Variants in AKAP6 observed in about 807,000 individuals in gnomAD.
AKAP6 encodes the protein A-kinase anchor protein 6.
In AKAP6, 58 loss-of-function variants were observed where a neutral mutation model predicts 188.5. The observed-to-expected ratio is 0.31, with a 90% CI of 0.25 to 0.38. AKAP6 has a LOEUF of 0.38. Ranked by LOEUF, AKAP6 falls within the 10% of genes least tolerant of loss-of-function variation. The pLI is 1.00. For synonymous variants in AKAP6, 989 were observed against 998.6 expected (o/e 0.99, Z 0.18); for missense variants, 2,710 against 2,740.0 (o/e 0.99, Z 0.24).
intron 2 of AKAP6, among the ~76,000 whole-genome samples, chr14:32,444,346 G>A (rs961556659): frequency 1.3e-5 from 2 of 152,082 alleles, no homozygotes; most frequent in African/African-American, 4.8e-5. Flanking sequence ...AGTTTAATTT[G>A]CTCTCGTCAC....
intron 1 of AKAP6, chr14:32,375,903 A>T (rs545886794): frequency 2.0e-5 from 3 of 152,188 alleles, no homozygotes; most frequent in Admixed American, 2.0e-4. Flanking sequence ...CCGTGATATG[A>T]CTCTAACTTA....
At chr14:32,361,589 T>G (rs1475401085) in intron 1 of AKAP6, among the ~76,000 whole-genome samples, 4 of 152,184 alleles carry the variant, frequency 2.6e-5, no homozygotes, top group South Asian at 2.1e-4. Flanking sequence ...GTAATTAGCT[T>G]TATTCATTGC....
intron 7 of AKAP6, among the ~76,000 whole-genome samples, chr14:32,654,249 G>A (rs1888354680): frequency 6.6e-6 from 1 of 152,046 alleles, no homozygotes; most frequent in Non-Finnish European, 1.5e-5. Context: ...ACAAACTCTA[G>A]TTTCACAAGA....
intron 2 of AKAP6, among the ~76,000 whole-genome samples, chr14:32,485,239 T>A (rs1434085968): frequency 6.7e-6 from 1 of 150,320 alleles, no homozygotes. Context: ...TGGTTCCAAG[T>A]CTTTGCTATT....
intron 2 of AKAP6, among the ~76,000 whole-genome samples, chr14:32,489,604 T>A (rs78306723): frequency 6.6e-6 from 1 of 152,132 alleles, no homozygotes; most frequent in Non-Finnish European, 1.5e-5. Context: ...ATTACCTAGA[T>A]TAAAAAACAA....
intron 1 of AKAP6, among the ~76,000 whole-genome samples, chr14:32,361,071 T>TATATATATATATATATATATA (rs1213844124): frequency 2.7e-4 from 40 of 149,060 alleles, no homozygotes; most frequent in East Asian, 6.3e-4. Flanking sequence ...TATATATATA[T>TATATATATATATATATATATA]TTGAGAAGCT....
intron 8 of AKAP6, among the ~76,000 whole-genome samples, chr14:32,683,071 G>A (rs1889760306): frequency 6.7e-6 from 1 of 149,296 alleles, no homozygotes; most frequent in African/African-American, 2.5e-5. Context: ...TTGGCTCACC[G>A]CAACCTCCGC....
intron 2 of AKAP6, among the ~76,000 whole-genome samples, chr14:32,497,271 A>G (rs1880368521): frequency 1.3e-5 from 2 of 152,150 alleles, no homozygotes; most frequent in South Asian, 4.1e-4. Flanking sequence ...TTGGTGCTAT[A>G]AATTATCTCC....
intron 8 of AKAP6, among the ~76,000 whole-genome samples, chr14:32,680,565 A>G (rs1889634561): frequency 6.6e-6 from 1 of 152,194 alleles, no homozygotes; most frequent in East Asian, 1.9e-4. Context: ...TATCCAATAC[A>G]CTAAAGAGAA....
At chr14:32,433,876 G>C (rs1890298410) in intron 2 of AKAP6, 59 bp downstream of exon 2, 1 of 1,497,880 alleles carries the variant, frequency 6.7e-7, no homozygotes, top group South Asian at 1.2e-5. Flanking sequence ...GTGGCACCTA[G>C]AGACTGTGTT....
intron 12 of AKAP6, among the ~76,000 whole-genome samples, chr14:32,817,491 TTG>T (rs3033323): frequency 0.17 from 24,146 of 145,314 alleles, 2,597 homozygotes; most frequent in African/African-American, 0.32. Flanking sequence ...GTGTCTGTGT[TTG>T]TGTGTGTGTG....
intron 11 of AKAP6, among the ~76,000 whole-genome samples, chr14:32,758,754 AATG>A (rs1365193237): frequency 2.0e-5 from 3 of 152,148 alleles, no homozygotes; most frequent in Admixed American, 6.5e-5. Context: ...ACAAACAAAA[AATG>A]ATGATCACAG....
In AKAP6 at chr14:32,655,010, T is replaced by A. The variant is rs572856890; in HGVS notation, c.2731-23301T>A. Among the ~76,000 whole-genome samples, 28 of 152,296 alleles carry A rather than the reference T, an allele frequency of 1.8e-4. No individual in the cohort carries two copies. In the South Asian group the frequency reaches 4.6e-3, roughly 25 times the overall value. The stretch of plus-strand genomic sequence containing the variant: ...TACACAATTTTTGGGTGGTAAAATA[T>A]TTTCATGAGGAAATCACAACTGAGA... On this transcript the variant is annotated intron_variant, in intron 7 of 13. Transcript: ENST00000280979.
chr14:32,744,787 A>C (rs1425179807), intron 11 of AKAP6, among the ~76,000 whole-genome samples: 3 of 151,912 alleles, frequency 2.0e-5, no homozygotes, highest in African/African-American at 7.3e-5. Context: ...TTGGAGGCCT[A>C]CTTCATTGTT....
Position 32,822,532 on chromosome 14 carries a change from A to C in AKAP6, c.4719A>C (p.Pro1573=). ...SHSSSIESLS[P]GGDLFGLGIF... is the part of the protein sequence containing the mutation. The stretch of plus-strand genomic sequence containing the variant: ...GTTCATCTATTGAGTCCCTTTCTCC[A>C]GGGGGTGATTTATTTGGATTGGGCA... The change falls in exon 13 of 14, where the codon CCA becomes CCC. Residue 1573 remains proline, a synonymous_variant. Coordinates refer to ENST00000280979, the MANE Select transcript of AKAP6 (RefSeq NM_004274.5). 1 of 1,613,980 alleles carries C rather than the reference A, an allele frequency of 6.2e-7. No homozygotes were observed.
At chr14:32,746,439 C>T (rs1313577197) in intron 11 of AKAP6, among the ~76,000 whole-genome samples, 1 of 152,068 alleles carries the variant, frequency 6.6e-6, no homozygotes, top group Non-Finnish European at 1.5e-5. Flanking sequence ...TTCCTTCTGG[C>T]CTAGGATCAT....
At chr14:32,699,252 A>G (rs1346232274) in intron 9 of AKAP6, among the ~76,000 whole-genome samples, 1 of 152,172 alleles carries the variant, frequency 6.6e-6, no homozygotes, top group Non-Finnish European at 1.5e-5. Context: ...AGATTGTATG[A>G]AATACAGAAA....
At chr14:32,640,501 A>G in intron 7 of AKAP6, among the ~76,000 whole-genome samples, 1 of 152,160 alleles carries the variant, frequency 6.6e-6, no homozygotes, top group East Asian at 1.9e-4. Context: ...AAGGAAATGA[A>G]AGTAAACAAT....
At chr14:32,433,928 G>C (rs1890300484) in intron 2 of AKAP6, 111 bp downstream of exon 2, 3 of 1,020,090 alleles carry the variant, frequency 2.9e-6, no homozygotes, top group Non-Finnish European at 4.3e-6. Flanking sequence ...GAAAAGCACA[G>C]TACCAGGTTT....
Sources: gnomAD v4.1 joint callset for allele counts (sites outside exome capture counted in the v4.1 genomes callset) on GRCh38, gnomAD v4.1.1 for gene constraint, MANE v1.5 for transcripts, NCBI Gene and HGNC (gene_info 2026-07-23, HGNC 2026-07-21) for gene names.